The following ITGA8 variants were observed in gnomAD, a reference collection of about 807,000 sequenced individuals.
The protein encoded by ITGA8 is integrin subunit alpha 8.
A neutral mutation model predicts 142.3 loss-of-function variants in ITGA8; 91 were observed. That is an observed-to-expected ratio of 0.64 (90% CI 0.54 to 0.76). ITGA8 has a LOEUF of 0.76. Ranked by LOEUF, ITGA8 falls within the 30% of genes least tolerant of loss-of-function variation. The pLI, the probability that ITGA8 is intolerant of heterozygous loss-of-function variation, is 0.00. For synonymous variants in ITGA8, 505 were observed against 485.2 expected (o/e 1.04, Z -0.54); for missense variants, 1,406 against 1,327.7 (o/e 1.06, Z -0.92).
chr10:15,563,494 CTG>C (rs757239728), intron 25 of ITGA8, among the ~76,000 whole-genome samples: 1 of 152,244 alleles, frequency 6.6e-6, no homozygotes. Context: ...GAGGTTAACT[CTG>C]TGGTTAACCA....
At chr10:15,619,468 G>A (rs1344624195) in intron 13 of ITGA8, among the ~76,000 whole-genome samples, 1 of 152,122 alleles carries the variant, frequency 6.6e-6, no homozygotes, top group Non-Finnish European at 1.5e-5. Context: ...GTCATCTAAA[G>A]AGCTCCATAT....
At chr10:15,541,397 C>T (rs528506558) in intron 27 of ITGA8, among the ~76,000 whole-genome samples, 4 of 152,134 alleles carry the variant, frequency 2.6e-5, no homozygotes, top group African/African-American at 9.7e-5. Context: ...TCCAGAGACC[C>T]CAGAGAAAGG....
intron 2 of ITGA8, among the ~76,000 whole-genome samples, chr10:15,695,171 T>C (rs960163697): frequency 2.6e-5 from 4 of 152,106 alleles, no homozygotes; most frequent in African/African-American, 9.7e-5. Context: ...CAGTAATATT[T>C]TTCTTCTGGA....
rs377449996 is a variant in ITGA8 at position 15,718,832 on chromosome 10, C to G, written c.277G>C (p.Val93Leu). ...TCCGCGGGCCAAGGACAGTAATAGA[C>G]GGCTCCCCCTTCCACGATATCGGGC... ...SQPDIVEGGA[V>L]YYCPWPAEGS... The change falls in exon 2 of 30, where the codon GTC becomes CTC. Residue 93 changes from valine (V) to leucine (L), a missense_variant. Physicochemically the swap from Val to Leu is conservative, Grantham distance 32. Transcript: ENST00000378076. The G allele has an allele frequency of 1.2e-5, 19 of 1,614,038 alleles. No homozygotes were observed. Among genetic ancestry groups the G allele is most frequent in the African/African-American group, 4.0e-5 (3 of 74,928 alleles).
At chr10:15,625,511 G>A (rs1321010259) in intron 13 of ITGA8, among the ~76,000 whole-genome samples, 1 of 152,222 alleles carries the variant, frequency 6.6e-6, no homozygotes, top group East Asian at 1.9e-4. Context: ...TCACTTGTAT[G>A]TAGCTGCCTA....
chr10:15,524,155 G>T (rs549743496), intron 28 of ITGA8, among the ~76,000 whole-genome samples: 2 of 152,048 alleles, frequency 1.3e-5, no homozygotes, highest in Non-Finnish European at 2.9e-5. Context: ...GTACTGAGGC[G>T]GCCCAATCTT....
rs1485063481 is a variant in ITGA8, at chr10:15,694,695, A to ATATATATATATC, written c.344-6658_344-6657insGATATATATATA. Among the ~76,000 whole-genome samples the ATATATATATATC allele has an allele frequency of 1.0e-3, 139 of 136,638 alleles. 5 individuals are homozygous for ATATATATATATC. The East Asian group carries it at 0.025, about 25-fold the overall frequency. The allele number at this position is 136,638 out of a possible 152,430, so 89.6% of individuals were successfully genotyped here. On this transcript the variant is annotated intron_variant, in intron 2 of 29. Coordinates refer to ENST00000378076, the MANE Select transcript of ITGA8 (RefSeq NM_003638.3). ...TTTGTCGACATATATATATATATAT[A>ATATATATATATC]TATATATGTCGACATATGTATTTCT...
chr10:15,718,820 G>T lies in ITGA8; in HGVS notation c.289C>A (p.Pro97Thr), dbSNP rs1186611447. Residue 97 changes from proline (P) to threonine (T), a missense_variant, in exon 2 of 30, where the codon CCT (proline) becomes ACT (threonine). Pro to Thr is a conservative substitution (Grantham distance 38). Coordinates refer to ENST00000378076, the MANE Select transcript of ITGA8 (RefSeq NM_003638.3). ...IVEGGAVYYC[P>T]WPAEGSAQCR... ...TGCGCAGACCCCTCCGCGGGCCAAG[G>T]ACAGTAATAGACGGCTCCCCCTTCC... is the stretch of plus-strand genomic sequence containing the variant. 6.2e-6 allele frequency: 10 copies of T among 1,614,044 alleles called. No homozygotes were observed. The Admixed American group carries it at 1.5e-4, about 24-fold the overall frequency.
Position 15,597,331 on chromosome 10 carries a change from G to A in ITGA8, c.2119-32C>T, listed in dbSNP as rs371091141. On this transcript the variant is annotated intron_variant, in intron 20 of 29. Coordinates refer to ENST00000378076, the MANE Select transcript of ITGA8 (RefSeq NM_003638.3). ...TTGCAAAGAACAGGGGGTTTAGGGGGCAGGATAAATGACATCCTGACACAA... is the reference window on the plus strand; with the variant it reads ...TTGCAAAGAACAGGGGGTTTAGGGGACAGGATAAATGACATCCTGACACAA... 1.9e-6 allele frequency: 3 copies of A among 1,562,124 alleles called. No homozygotes were observed. In the African/African-American group the frequency reaches 4.1e-5, roughly 21 times the overall value.
intron 24 of ITGA8, among the ~76,000 whole-genome samples, chr10:15,573,348 A>G (rs192189778): frequency 2.2e-4 from 34 of 152,314 alleles, no homozygotes; most frequent in Admixed American, 3.9e-4. Context: ...TATATTTTCA[A>G]ACTTTAAAGT....
intron 26 of ITGA8, among the ~76,000 whole-genome samples, chr10:15,557,050 G>A (rs1833899816): frequency 6.6e-6 from 1 of 152,162 alleles, no homozygotes; most frequent in Non-Finnish European, 1.5e-5. Context: ...AGCACTAGAA[G>A]CTGCCGCAAT....
intron 28 of ITGA8, among the ~76,000 whole-genome samples, chr10:15,530,608 T>C (rs1833269733): frequency 6.6e-6 from 1 of 150,662 alleles, no homozygotes. Flanking sequence ...TTTTATTCCC[T>C]TCTAGGTCAA....
chr10:15,620,309 AC>A (rs1233468991), intron 13 of ITGA8, among the ~76,000 whole-genome samples: 2 of 2,394 alleles, frequency 8.4e-4, no homozygotes, highest in Non-Finnish European at 8.9e-3. Flanking sequence ...GTGTTGAGAT[AC>A]ACACACACAC....
intron 25 of ITGA8, among the ~76,000 whole-genome samples, chr10:15,569,207 C>T (rs1024381490): frequency 2.0e-5 from 3 of 152,030 alleles, no homozygotes; most frequent in African/African-American, 7.2e-5. Flanking sequence ...AAGAGGAAAA[C>T]GTAGGAAGGA....
At chr10:15,668,285 G>T (rs1324093572) in intron 8 of ITGA8, among the ~76,000 whole-genome samples, 1 of 151,932 alleles carries the variant, frequency 6.6e-6, no homozygotes, top group Non-Finnish European at 1.5e-5. Flanking sequence ...GGCCTTCTTT[G>T]TCTCTTTTGA....
At chr10:15,715,216 G>A (rs1028380072) in intron 2 of ITGA8, among the ~76,000 whole-genome samples, 1 of 151,820 alleles carries the variant, frequency 6.6e-6, no homozygotes, top group Non-Finnish European at 1.5e-5. Flanking sequence ...GGGCATATGC[G>A]ACCCATCATT....
At chr10:15,669,684 G>T (rs1834471465) in intron 8 of ITGA8, among the ~76,000 whole-genome samples, 1 of 152,110 alleles carries the variant, frequency 6.6e-6, no homozygotes, top group South Asian at 2.1e-4. Context: ...CGTACAGATG[G>T]GTTTTTGGTG....
In ITGA8 at chr10:15,604,364, G is replaced by T. The variant is rs779443111; in HGVS notation, c.1971-9C>A. 8 of 1,601,710 alleles carry T rather than the reference G, an allele frequency of 5.0e-6. No homozygotes were observed. The highest frequency in any genetic ancestry group is 4.5e-5 in the South Asian group (4 of 88,514). On this transcript the variant is annotated splice_polypyrimidine_tract_variant and intron_variant, in intron 19 of 29. Transcript: ENST00000378076. ...TTACCTGATGCTTATCTCTAAAAAT[G>T]CAGTTTAAAAAGAAGGATTAGGTAC... is the stretch of plus-strand genomic sequence containing the variant.
chr10:15,518,863 T>C (rs1399470593), intron 29 of ITGA8, among the ~76,000 whole-genome samples: 3 of 152,338 alleles, frequency 2.0e-5, no homozygotes, highest in Middle Eastern at 6.8e-3. Context: ...CCTATATTAA[T>C]TGCATTTGCA....
Sources: gnomAD v4.1 joint callset for allele counts (sites outside exome capture counted in the v4.1 genomes callset) on GRCh38, gnomAD v4.1.1 for gene constraint, MANE v1.5 for transcripts, NCBI Gene and HGNC (gene_info 2026-07-23, HGNC 2026-07-21) for gene names.